CELF5: variants seen among roughly 807,000 people sequenced by gnomAD.
CELF5 encodes the protein CUGBP Elav-like family member 5.
CELF5 carries 6 observed loss-of-function variants against 54.9 expected under a neutral mutation model. That is an observed-to-expected ratio of 0.11 (90% confidence interval 0.06 to 0.22). The LOEUF (loss-of-function observed/expected upper bound fraction) is 0.22, where lower values mean the gene tolerates loss of function less well. CELF5 is among the 10% of genes least tolerant of loss of function. CELF5 has a pLI of 1.00. For synonymous variants in CELF5, 271 were observed against 290.9 expected (o/e 0.93, Z 0.70); for missense variants, 401 against 678.6 (o/e 0.59, Z 4.54).
rs572165573 is a variant in CELF5, at chr19:3,275,681, G to A, written c.395-175G>A. On this transcript the variant is annotated intron_variant, in intron 3 of 12. Transcript: ENST00000292672. The surrounding 1 kb of genome is among the most constrained non-coding windows in gnomAD (Gnocchi z 6.7). The stretch of plus-strand genomic sequence containing the variant: ...GCCCGTGGGAGGGTGGAGAGATCCG[G>A]GGCAGGGAAAGGGCGCGGCTGGGTC... Among the ~76,000 whole-genome samples the A allele has an allele frequency of 1.3e-5, 2 of 152,256 alleles. No homozygotes were observed. The highest frequency in any genetic ancestry group is 6.5e-5 in the Admixed American group (1 of 15,302).
intron 1 of CELF5, among the ~76,000 whole-genome samples, chr19:3,250,523 C>G (rs2145060045): frequency 6.6e-6 from 1 of 152,200 alleles, no homozygotes; most frequent in South Asian, 2.1e-4. Flanking sequence ...TTGCACAGCT[C>G]AGTGGTATTA....
chr19:3,226,132 TC>T (rs1441380671), intron 1 of CELF5, among the ~76,000 whole-genome samples: 1 of 151,976 alleles, frequency 6.6e-6, no homozygotes, highest in East Asian at 1.9e-4. Flanking sequence ...CCCCCGGCCC[TC>T]CCCCTCCCAT....
At chr19:3,276,027 C>A in intron 4 of CELF5, 43 bp downstream of exon 4, 3 of 589,128 alleles carry the variant, frequency 5.1e-6, no homozygotes, top group South Asian at 2.4e-5. Flanking sequence ...AGGGGCCGGG[C>A]TAGCTCTGGG....
intron 9 of CELF5, among the ~76,000 whole-genome samples, chr19:3,285,633 C>T (rs1415803415): frequency 7.2e-6 from 1 of 138,232 alleles, no homozygotes; most frequent in Non-Finnish European, 1.6e-5. Flanking sequence ...GGCCCAACCC[C>T]TATACCCCTC....
intron 1 of CELF5, among the ~76,000 whole-genome samples, chr19:3,241,232 C>T (rs941125887): frequency 6.6e-5 from 10 of 151,440 alleles, no homozygotes; most frequent in East Asian, 1.9e-4. Flanking sequence ...CAAGCCACCG[C>T]GCCCAGCTAA....
intron 2 of CELF5, among the ~76,000 whole-genome samples, chr19:3,257,956 T>C (rs1337577857): frequency 1.3e-5 from 2 of 150,394 alleles, no homozygotes; most frequent in Non-Finnish European, 3.0e-5. Flanking sequence ...CACACCACCA[T>C]ACCTGGCTGA....
intron 1 of CELF5, among the ~76,000 whole-genome samples, chr19:3,243,813 T>C (rs1052335743): frequency 6.6e-6 from 1 of 152,048 alleles, no homozygotes; most frequent in Admixed American, 6.6e-5. Context: ...TTCCTTGTCT[T>C]GTAAAGGCAT....
At chr19:3,252,742 G>C (rs2079668849) in intron 2 of CELF5, among the ~76,000 whole-genome samples, 1 of 152,088 alleles carries the variant, frequency 6.6e-6, no homozygotes, top group Non-Finnish European at 1.5e-5. Context: ...TTTTGGGTGT[G>C]ATGTGATGCA....
chr19:3,281,177 C>T lies in CELF5; in HGVS notation c.604-22C>T. The stretch of plus-strand genomic sequence containing the variant: ...GCTACCTCCCAGCCCGTTTCCCTCC[C>T]TGCTCGCCGCTGCCCCTGCAGGGAG... On this transcript the variant is annotated intron_variant, in intron 5 of 12. Transcript: ENST00000292672. This position sits in a 1 kb window ranked among gnomAD's most constrained non-coding sequence, Gnocchi z 6.5. The T allele has an allele frequency of 6.3e-7, 1 of 1,596,958 alleles. No homozygotes were observed. The highest frequency in any genetic ancestry group is 1.7e-5 in the Admixed American group (1 of 59,868).
In CELF5 at chr19:3,268,073, A is replaced by G. The variant is rs2079907736; in HGVS notation, c.343-5799A>G. ...GAGTGCAGTGATTTGATCTCAGCTC[A>G]CTGCAACCTCGGCCTCCTGGGTTCA... On this transcript the variant is annotated intron_variant, in intron 2 of 12. Transcript: ENST00000292672. This position sits in a 1 kb window ranked among gnomAD's most constrained non-coding sequence, Gnocchi z 4.4. Among the ~76,000 whole-genome samples the G allele has an allele frequency of 6.6e-6, 1 of 152,108 alleles. No individual in the cohort carries two copies. The highest frequency in any genetic ancestry group is 1.9e-4 in the East Asian group (1 of 5,192).
chr19:3,265,282 G>A (rs1419629283), intron 2 of CELF5, among the ~76,000 whole-genome samples: 1 of 152,198 alleles, frequency 6.6e-6, no homozygotes, highest in East Asian at 1.9e-4. Flanking sequence ...AGGATGCAGT[G>A]AGCTATTGAT....
chr19:3,290,033 G>A (rs1177249865), intron 10 of CELF5, among the ~76,000 whole-genome samples, 198 bp from the exon 11 acceptor site: 3 of 152,034 alleles, frequency 2.0e-5, no homozygotes, highest in African/African-American at 4.8e-5. Context: ...GTGTGAGATC[G>A]TACAGTGCAG....
intron 9 of CELF5, among the ~76,000 whole-genome samples, chr19:3,285,669 A>AC (rs79366304): frequency 0.2 from 8,461 of 42,018 alleles, 819 homozygotes; most frequent in African/African-American, 0.32. Flanking sequence ...GTCCGCCCCC[A>AC]CCCCCCCTTC....
chr19:3,234,434 C>T (rs1404449446), intron 1 of CELF5, among the ~76,000 whole-genome samples: 1 of 152,132 alleles, frequency 6.6e-6, no homozygotes, highest in Non-Finnish European at 1.5e-5. Context: ...TTCTAGGACA[C>T]TTGGCAATGT....
At position 3,232,812 on chromosome 19, in the gene CELF5, C is replaced by T. The variant is rs552945394; in HGVS notation, c.259+7814C>T. ...AATTTAGGCTGGGCGTGGTGGCTCA[C>T]GCCTATAATCCCAGCACTTTGGGAG... is the stretch of plus-strand genomic sequence containing the variant. On this transcript the variant is annotated intron_variant, in intron 1 of 12. Coordinates refer to ENST00000292672, the MANE Select transcript of CELF5 (RefSeq NM_021938.4). 5.9e-5 allele frequency among the ~76,000 whole-genome samples: 9 copies of T among 152,148 alleles called. No individual in the cohort carries two copies. The East Asian group carries it at 7.8e-4, about 13-fold the overall frequency.
At position 3,243,775 on chromosome 19, in the gene CELF5, G is replaced by A. The variant is rs941732687; in HGVS notation, c.260-7210G>A. Among the ~76,000 whole-genome samples, 12 of 152,204 alleles carry A rather than the reference G, an allele frequency of 7.9e-5. No homozygotes were observed. In the South Asian group the frequency reaches 1.2e-3, roughly 16 times the overall value. ...GTTCCTTCTGAGGCTGTGAGGGAGC[G>A]TTTATTCCAGGCCGTTCCCCTGTAG... On this transcript the variant is annotated intron_variant, in intron 1 of 12. Transcript: ENST00000292672.
At chr19:3,260,377 C>A (rs1369350056) in intron 2 of CELF5, among the ~76,000 whole-genome samples, 1 of 152,126 alleles carries the variant, frequency 6.6e-6, no homozygotes. Flanking sequence ...CTCAAATGAT[C>A]CCCCTGCCTC....
At chr19:3,242,631 T>C (rs543209740) in intron 1 of CELF5, among the ~76,000 whole-genome samples, 10 of 151,792 alleles carry the variant, frequency 6.6e-5, no homozygotes, top group African/African-American at 2.4e-4. Flanking sequence ...ATGGTGAAAA[T>C]CCTGTCTCTA....
chr19:3,251,163 T>C, intron 2 of CELF5, 96 bp downstream of exon 2: 1 of 903,748 alleles, frequency 1.1e-6, no homozygotes, highest in Non-Finnish European at 1.8e-6. Context: ...CTGTGAATTC[T>C]GTGTGTCTCG....
Sources: allele counts gnomAD v4.1 joint callset (sites outside exome capture counted in the v4.1 genomes callset), GRCh38; gene constraint gnomAD v4.1.1; non-coding constraint Gnocchi (gnomAD v3.1); transcripts MANE v1.5; gene names NCBI Gene and HGNC (gene_info 2026-07-23, HGNC 2026-07-21).